CLDN16: variants seen among roughly 807,000 people sequenced by gnomAD.
The protein encoded by CLDN16 is claudin 16, also known as claudin-16.
In CLDN16, 13 loss-of-function variants were observed where a neutral mutation model predicts 24.6. The observed-to-expected ratio is 0.53, with a 90% CI of 0.34 to 0.84. The LOEUF is 0.84. Ranked by LOEUF, CLDN16 falls within the 40% of genes least tolerant of loss-of-function variation. The pLI is 0.01. For synonymous variants in CLDN16, 116 were observed against 106.7 expected, an observed-to-expected ratio of 1.09 and a Z score of -0.54; for missense variants, 298 against 292.7, an observed-to-expected ratio of 1.02 and a Z score of -0.13.
Position 190,410,514 on chromosome 3 carries a change from A to G in CLDN16, c.*478A>G, listed in dbSNP as rs1719249376. ...ATTTTGAGGAAGATTATTCTTTTAA[A>G]TTCAAACTAGTATGTCAATGCCTAC... is the stretch of plus-strand genomic sequence containing the variant. On this transcript the variant is annotated 3_prime_UTR_variant, in exon 5 of 5. Coordinates refer to ENST00000264734, the MANE Select transcript of CLDN16 (RefSeq NM_006580.4). 2 of 160,290 alleles carry G rather than the reference A, an allele frequency of 1.2e-5. No individual in the cohort carries two copies. The highest frequency in any genetic ancestry group is 1.2e-4 in the Admixed American group (2 of 16,268). The allele number at this position is 160,290 out of a possible 1,614,324, so 9.9% of individuals were successfully genotyped here. A position where few individuals can be genotyped will look rare whatever the true frequency, so the allele number is the denominator to read the frequency against.
At chr3:190,363,554 G>GCATATATATA (rs10663299) in intron 1 of CLDN16, among the ~76,000 whole-genome samples, 1,591 of 81,210 alleles carry the variant, frequency 0.02, 252 homozygotes, top group East Asian at 0.031. Context: ...GTGTGTGTGT[G>GCATATATATA]TGTATATATA....
At chr3:190,353,856 T>C (rs1717715635) in intron 1 of CLDN16, among the ~76,000 whole-genome samples, 1 of 152,084 alleles carries the variant, frequency 6.6e-6, no homozygotes, top group Non-Finnish European at 1.5e-5. Context: ...TAGTTTCCTG[T>C]GGCTGTTGTA....
chr3:190,314,944 C>A, the CLDN16 span, among the ~76,000 whole-genome samples: 1 of 152,102 alleles, frequency 6.6e-6, no homozygotes, highest in Non-Finnish European at 1.5e-5. Flanking sequence ...CCACGGACCA[C>A]AGGTTTACCA....
upstream of CLDN16, chr3:190,322,418 C>A (rs12696600): frequency 0.57 from 339,760 of 594,924 alleles, 99,434 homozygotes; most frequent in East Asian, 0.81. Flanking sequence ...CTAGAAGCTG[C>A]GGTTGCTCCC....
intron 1 of CLDN16, among the ~76,000 whole-genome samples, chr3:190,357,539 A>AC (rs142442489): frequency 0.034 from 5,092 of 151,900 alleles, 124 homozygotes; most frequent in Middle Eastern, 0.065. Flanking sequence ...TTCAAATGTG[A>AC]CCCCTAAGGA....
At chr3:190,333,675 A>G (rs1717235064) in intron 1 of CLDN16, among the ~76,000 whole-genome samples, 2 of 152,234 alleles carry the variant, frequency 1.3e-5, no homozygotes, top group South Asian at 2.1e-4. Flanking sequence ...ACTTACTAAA[A>G]TCTTATCATA....
chr3:190,382,294 G>A (rs1718386881), intron 3 of CLDN16, among the ~76,000 whole-genome samples: 1 of 152,016 alleles, frequency 6.6e-6, no homozygotes, highest in East Asian at 1.9e-4. Context: ...GTTTTTCCAG[G>A]TGAAGTAAGT....
At chr3:190,338,481 G>A (rs1429366851) in intron 1 of CLDN16, among the ~76,000 whole-genome samples, 1 of 151,990 alleles carries the variant, frequency 6.6e-6, no homozygotes, top group African/African-American at 2.4e-5. Flanking sequence ...GTACCCTCAT[G>A]CCCAAGTTTA....
chr3:190,313,054 A>G, the CLDN16 span: 1 of 1,614,068 alleles, frequency 6.2e-7, no homozygotes, highest in Non-Finnish European at 8.5e-7. Context: ...AAAACATTTT[A>G]AAACATGTAA....
At chr3:190,357,186 T>C (rs1717793184) in intron 1 of CLDN16, among the ~76,000 whole-genome samples, 1 of 151,930 alleles carries the variant, frequency 6.6e-6, no homozygotes, top group South Asian at 2.1e-4. Context: ...CCTATGAGTA[T>C]GTCCTAATGC....
At chr3:190,322,188 G>T, upstream of CLDN16, 5 of 1,613,960 alleles carry the variant, frequency 3.1e-6, no homozygotes, top group Non-Finnish European at 4.2e-6. Context: ...CCCAACAGCT[G>T]CAGCCCCGCG....
chr3:190,369,118 A>AT (rs967773636), intron 1 of CLDN16, among the ~76,000 whole-genome samples: 12 of 151,354 alleles, frequency 7.9e-5, no homozygotes, highest in South Asian at 2.1e-4. Flanking sequence ...TGAAAGACAG[A>AT]TTTTTTTTTC....
chr3:190,306,087 A>G, the CLDN16 span: 1 of 152,264 alleles, frequency 6.6e-6, no homozygotes, highest in Admixed American at 6.5e-5. Context: ...ATGAAGTACC[A>G]TTTCCAAACT....
intron 1 of CLDN16, among the ~76,000 whole-genome samples, chr3:190,360,836 G>C (rs117833592): frequency 4.0e-5 from 6 of 151,570 alleles, no homozygotes; most frequent in African/African-American, 1.5e-4. Context: ...TACATTCTTA[G>C]ATTAGTATTG....
intron 3 of CLDN16, among the ~76,000 whole-genome samples, chr3:190,382,274 T>A (rs967467885): frequency 1.3e-5 from 2 of 152,132 alleles, no homozygotes; most frequent in African/African-American, 4.8e-5. Flanking sequence ...TGTACCATGA[T>A]GAACATCTTG....
intron 2 of CLDN16, among the ~76,000 whole-genome samples, chr3:190,374,031 A>G (rs1413540027): frequency 2.6e-5 from 4 of 151,644 alleles, no homozygotes; most frequent in Non-Finnish European, 5.9e-5. Context: ...AAATGCTTAT[A>G]TTTTCTTCTG....
the CLDN16 span, among the ~76,000 whole-genome samples, chr3:190,295,242 A>G: frequency 6.6e-6 from 1 of 152,150 alleles, no homozygotes; most frequent in Admixed American, 6.5e-5. Flanking sequence ...ACAATAACTG[A>G]TTACATTCAT....
intron 1 of CLDN16, among the ~76,000 whole-genome samples, chr3:190,370,722 T>C (rs888373363): frequency 1.3e-5 from 2 of 151,912 alleles, no homozygotes; most frequent in Non-Finnish European, 2.9e-5. Flanking sequence ...GAGGGTGCTG[T>C]TAAAGGAGAT....
At chr3:190,311,512 A>G in the CLDN16 span, among the ~76,000 whole-genome samples, 1 of 152,142 alleles carries the variant, frequency 6.6e-6, no homozygotes, top group Non-Finnish European at 1.5e-5. Flanking sequence ...AAAAGCCCCT[A>G]CAAGTCTTCT....
Sources: gnomAD v4.1 joint callset for allele counts (sites outside exome capture counted in the v4.1 genomes callset) on GRCh38, gnomAD v4.1.1 for gene constraint, MANE v1.5 for transcripts, NCBI Gene and HGNC (gene_info 2026-07-23, HGNC 2026-07-21) for gene names.